Variants in RBFOX1 observed in about 807,000 individuals in gnomAD.
RBFOX1 encodes RNA binding fox-1 homolog 1.
In RBFOX1, 8 loss-of-function variants were observed where a neutral mutation model predicts 57.7. That is an observed-to-expected ratio of 0.14 (90% confidence interval 0.08 to 0.25). RBFOX1 has a LOEUF of 0.25. Ranked by LOEUF, RBFOX1 falls within the 10% of genes least tolerant of loss-of-function variation. The probability of loss-of-function intolerance (pLI) is 1.00; values close to 1 mark genes in which losing one functional copy is unlikely to be tolerated. For synonymous variants in RBFOX1, 326 were observed against 222.4 expected, an observed-to-expected ratio of 1.47 and a Z score of -4.15; for missense variants, 611 against 548.5, an observed-to-expected ratio of 1.11 and a Z score of -1.14.
At chr16:7,017,499 C>G (rs1316303418) in intron 3 of RBFOX1, among the ~76,000 whole-genome samples, 2 of 152,168 alleles carry the variant, frequency 1.3e-5, no homozygotes, top group African/African-American at 4.8e-5. Flanking sequence ...TAGCCAGATA[C>G]TGCTAACTCA....
At chr16:6,246,079 G>A (rs1021310784) in intron 1 of RBFOX1, among the ~76,000 whole-genome samples, 1 of 152,106 alleles carries the variant, frequency 6.6e-6, no homozygotes, top group Non-Finnish European at 1.5e-5. Flanking sequence ...CAGAAACCCA[G>A]TTTACAGTAG....
chr16:6,561,269 A>T (rs1444895240), intron 2 of RBFOX1, among the ~76,000 whole-genome samples: 1 of 152,228 alleles, frequency 6.6e-6, no homozygotes, highest in Admixed American at 6.5e-5. Context: ...ACAGCAGACC[A>T]GAATGTTACA....
At chr16:7,065,391 G>A (rs1287244058) in intron 4 of RBFOX1, among the ~76,000 whole-genome samples, 2 of 152,066 alleles carry the variant, frequency 1.3e-5, no homozygotes, top group African/African-American at 2.4e-5. Context: ...CTCGTGTTCA[G>A]CATCATCTCC....
chr16:5,551,799 C>T (rs2045476644), intron 2 of RBFOX1, among the ~76,000 whole-genome samples: 1 of 151,312 alleles, frequency 6.6e-6, no homozygotes, highest in Admixed American at 6.6e-5. Context: ...CCGCCCCCCA[C>T]CCCCCGACAG....
Position 7,706,412 on chromosome 16 carries a change from G to C in RBFOX1, c.996-2644G>C, listed in dbSNP as rs1005736285. ...GAATACTGCCAAATTGTTACCTTGG[G>C]TTTTCCACAAAGGTTGAAACTATGC... On this transcript the variant is annotated intron_variant, in intron 14 of 15. Coordinates refer to ENST00000550418, the MANE Select transcript of RBFOX1 (RefSeq NM_018723.4). Among the ~76,000 whole-genome samples, 4 of 152,078 alleles carry C rather than the reference G, an allele frequency of 2.6e-5. No homozygotes were observed. The East Asian group carries it at 7.7e-4, about 29-fold the overall frequency.
intron 4 of RBFOX1, among the ~76,000 whole-genome samples, chr16:7,473,719 T>G (rs559963757): frequency 1.1e-4 from 17 of 152,204 alleles, no homozygotes; most frequent in African/African-American, 3.9e-4. Context: ...TAGTTTCTTC[T>G]GATTTACTAG....
intron 4 of RBFOX1, among the ~76,000 whole-genome samples, chr16:7,448,853 T>G (rs2098828561): frequency 6.6e-6 from 1 of 151,668 alleles, no homozygotes; most frequent in African/African-American, 2.4e-5. Context: ...CGGTATAATC[T>G]CATCTTAACT....
chr16:7,216,856 C>T (rs72767304), intron 4 of RBFOX1, among the ~76,000 whole-genome samples: 46,499 of 151,924 alleles, frequency 0.31, 8,076 homozygotes, highest in East Asian at 0.66. Flanking sequence ...AAGTTCTAGT[C>T]ATTTATTCAT....
chr16:7,474,524 G>A (rs915513691), intron 4 of RBFOX1, among the ~76,000 whole-genome samples: 1 of 152,156 alleles, frequency 6.6e-6, no homozygotes, highest in East Asian at 1.9e-4. Flanking sequence ...AACTATTTAG[G>A]TTGGTGCAAA....
At chr16:6,700,253 C>T (rs1198192834) in intron 3 of RBFOX1, among the ~76,000 whole-genome samples, 1 of 152,046 alleles carries the variant, frequency 6.6e-6, no homozygotes, top group Non-Finnish European at 1.5e-5. Flanking sequence ...TCAGGGCTTC[C>T]TCTCAATAGC....
chr16:5,255,768 C>G (rs539419577), intron 1 of RBFOX1, among the ~76,000 whole-genome samples: 2 of 151,952 alleles, frequency 1.3e-5, no homozygotes, highest in Non-Finnish European at 2.9e-5. Context: ...CACAAAGACT[C>G]GTTAACCACC....
At chr16:6,593,357 A>G (rs1279304506) in intron 2 of RBFOX1, among the ~76,000 whole-genome samples, 1 of 152,184 alleles carries the variant, frequency 6.6e-6, no homozygotes, top group African/African-American at 2.4e-5. Context: ...AAGGGTTAAA[A>G]TCATGCGGAA....
At chr16:7,561,369 A>T (rs979527610) in intron 5 of RBFOX1, among the ~76,000 whole-genome samples, 1 of 152,250 alleles carries the variant, frequency 6.6e-6, no homozygotes, top group African/African-American at 2.4e-5. Context: ...TGAAGAGACA[A>T]GTAGAAAGGA....
intron 4 of RBFOX1, among the ~76,000 whole-genome samples, chr16:7,093,722 G>A (rs528028361): frequency 8.5e-5 from 13 of 152,194 alleles, no homozygotes; most frequent in East Asian, 3.9e-4. Context: ...GGAGTAATAC[G>A]CTATTTTCCG....
At chr16:6,439,801 A>G (rs866399627) in intron 2 of RBFOX1, among the ~76,000 whole-genome samples, 31 of 152,046 alleles carry the variant, frequency 2.0e-4, no homozygotes, top group African/African-American at 7.0e-4. Flanking sequence ...CACATTACAA[A>G]CACACCTGAA....
At chr16:5,554,553 T>G (rs1309334675) in intron 2 of RBFOX1, among the ~76,000 whole-genome samples, 2 of 152,196 alleles carry the variant, frequency 1.3e-5, no homozygotes, top group African/African-American at 2.4e-5. Context: ...TTCAATCAGA[T>G]AGTGTATATT....
chr16:7,075,118 T>C lies in RBFOX1; in HGVS notation c.27+23020T>C, dbSNP rs2058064074. ...CTGTGTTATTTGAAATGTGTACTCA[T>C]GGGGCTGAGGCTGTGCAGTTGATCT... On this transcript the variant is annotated intron_variant, in intron 4 of 15. Transcript: ENST00000550418. Among the ~76,000 whole-genome samples, 4 of 152,210 alleles carry C rather than the reference T, an allele frequency of 2.6e-5. 1 individual carries two copies. Among genetic ancestry groups the C allele is most frequent in the Admixed American group, 2.6e-4 (4 of 15,282 alleles).
At chr16:6,790,168 T>TGTATTATTA (rs1567254659) in intron 3 of RBFOX1, among the ~76,000 whole-genome samples, 30 of 68,582 alleles carry the variant, frequency 4.4e-4, no homozygotes, top group African/African-American at 2.2e-3. Context: ...TTTATTTTAT[T>TGTATTATTA]CTATTATTAT....
intron 4 of RBFOX1, chr16:7,510,283 G>C (rs2074673897): frequency 1.0e-6 from 1 of 985,792 alleles, no homozygotes; most frequent in Admixed American, 6.1e-5. Flanking sequence ...TAAGTTTATG[G>C]AGGAGAAAGG....
Sources: gnomAD v4.1 joint callset for allele counts (sites outside exome capture counted in the v4.1 genomes callset) on GRCh38, gnomAD v4.1.1 for gene constraint, MANE v1.5 for transcripts, NCBI Gene and HGNC (gene_info 2026-07-23, HGNC 2026-07-21) for gene names.